Variants in MALRD1 observed in about 807,000 individuals in gnomAD.
The protein encoded by MALRD1 is MAM and LDL receptor class A domain containing 1.
A neutral mutation model predicts 242.1 loss-of-function variants in MALRD1; 247 were observed. The observed-to-expected ratio is 1.02, with a 90% CI of 0.92 to 1.13. The LOEUF is 1.13. Ranked by LOEUF, MALRD1 falls within the 50% of genes most tolerant of loss-of-function variation. The pLI is 0.00. For synonymous variants in MALRD1, 995 were observed against 866.6 expected (o/e 1.15, Z -2.60); for missense variants, 2,989 against 2,533.1 (o/e 1.18, Z -3.86).
intron 33 of MALRD1, among the ~76,000 whole-genome samples, chr10:19,578,864 T>C (rs1343032128): frequency 1.3e-5 from 2 of 152,110 alleles, no homozygotes; most frequent in African/African-American, 4.8e-5. Flanking sequence ...TATATACATC[T>C]TTTAGCTTAC....
chr10:19,228,383 A>T lies in MALRD1; in HGVS notation c.2991+18703A>T, dbSNP rs10827095. Among the ~76,000 whole-genome samples, 4 of 152,082 alleles carry T rather than the reference A, an allele frequency of 2.6e-5. No individual in the cohort carries two copies. The East Asian group carries it at 7.7e-4, about 29-fold the overall frequency. ...AGCAGATTAGTGGTTGCCTGTGTTC[A>T]GGAATGGAGAAAAGATCAAATGCAA... On this transcript the variant is annotated intron_variant, in intron 18 of 39. Coordinates refer to ENST00000454679, the MANE Select transcript of MALRD1 (RefSeq NM_001142308.3).
At chr10:19,416,653 A>G (rs1216159183) in intron 28 of MALRD1, among the ~76,000 whole-genome samples, 2 of 152,116 alleles carry the variant, frequency 1.3e-5, no homozygotes, top group Non-Finnish European at 2.9e-5. Flanking sequence ...CTATCCAGCT[A>G]TGTTCTGGAT....
At chr10:19,423,438 T>C (rs934675828) in intron 28 of MALRD1, among the ~76,000 whole-genome samples, 15 of 152,034 alleles carry the variant, frequency 9.9e-5, no homozygotes, top group African/African-American at 3.1e-4. Flanking sequence ...ATTAATCTGG[T>C]ACAAAAATGC....
intron 12 of MALRD1, among the ~76,000 whole-genome samples, chr10:19,158,012 C>T (rs1834239720): frequency 6.6e-6 from 1 of 152,162 alleles, no homozygotes; most frequent in Non-Finnish European, 1.5e-5. Context: ...TTCAAAAGTC[C>T]TTTCAGCCAC....
At chr10:19,482,947 A>G (rs1359539781) in intron 29 of MALRD1, among the ~76,000 whole-genome samples, 2 of 152,078 alleles carry the variant, frequency 1.3e-5, no homozygotes, top group African/African-American at 4.8e-5. Context: ...ACACTATCCT[A>G]AAATCCATAT....
At chr10:19,529,118 C>T (rs570786843) in intron 31 of MALRD1, among the ~76,000 whole-genome samples, 1 of 152,218 alleles carries the variant, frequency 6.6e-6, no homozygotes, top group Non-Finnish European at 1.5e-5. Context: ...AAGAAAAATC[C>T]CCTCAGTTTT....
At chr10:19,432,873 A>G (rs1834198045) in intron 28 of MALRD1, among the ~76,000 whole-genome samples, 1 of 152,222 alleles carries the variant, frequency 6.6e-6, no homozygotes, top group South Asian at 2.1e-4. Flanking sequence ...TACTGTGAAC[A>G]TTTCAAAGAG....
rs115223103 is a variant in MALRD1 at position 19,095,770 on chromosome 10, A to G, written c.597+7585A>G. On this transcript the variant is annotated intron_variant, in intron 4 of 39. Coordinates refer to ENST00000454679, the MANE Select transcript of MALRD1 (RefSeq NM_001142308.3). ...GCTCAAGTGTTATTAACCGCTGGAG[A>G]AGTTATTTTATTTCTTAAACTTCTC... Among the ~76,000 whole-genome samples the G allele has an allele frequency of 5.1e-3, 771 of 152,182 alleles. 12 individuals are homozygous for G. The highest frequency in any genetic ancestry group is 0.017 in the African/African-American group (724 of 41,532).
intron 24 of MALRD1, among the ~76,000 whole-genome samples, chr10:19,332,221 A>G (rs1382144813): frequency 6.6e-6 from 1 of 150,722 alleles, no homozygotes; most frequent in South Asian, 2.1e-4. Context: ...TTCATTAAAG[A>G]CAATTCATGC....
intron 19 of MALRD1, among the ~76,000 whole-genome samples, chr10:19,270,336 TCACACACACACACA>T (rs200537040): frequency 8.2e-4 from 107 of 130,960 alleles, no homozygotes; most frequent in African/African-American, 2.6e-3. Context: ...TCTCTCTCTC[TCACACACACACACA>T]CACACACACA....
intron 38 of MALRD1, among the ~76,000 whole-genome samples, chr10:19,723,554 A>G (rs1235494510): frequency 6.6e-6 from 1 of 152,084 alleles, no homozygotes; most frequent in East Asian, 1.9e-4. Context: ...CAGACTGGAC[A>G]ATATAGCAAG....
At chr10:19,377,615 A>G (rs1480312692) in intron 26 of MALRD1, among the ~76,000 whole-genome samples, 3 of 148,916 alleles carry the variant, frequency 2.0e-5, no homozygotes, top group African/African-American at 7.5e-5. Flanking sequence ...TAACAACTGA[A>G]AAGTATAAGT....
intron 19 of MALRD1, among the ~76,000 whole-genome samples, chr10:19,276,432 T>C (rs1297211075): frequency 6.6e-6 from 1 of 152,166 alleles, no homozygotes; most frequent in East Asian, 1.9e-4. Context: ...TTCAAAGAAA[T>C]TTGTTCCATA....
intron 31 of MALRD1, among the ~76,000 whole-genome samples, chr10:19,524,152 T>C (rs544785175): frequency 6.6e-6 from 1 of 152,288 alleles, no homozygotes; most frequent in South Asian, 2.1e-4. Flanking sequence ...TTTCTCTCGC[T>C]GGCCATATTT....
In MALRD1 at chr10:19,567,607, C is replaced by T; in HGVS notation, c.5584C>T (p.Pro1862Ser). The change falls in exon 33 of 40, where the codon CCG becomes TCG. Residue 1862 changes from proline (P) to serine (S), a missense_variant. Transcript: ENST00000454679. ...CTCTGTGCCTCTCTCCAGTAACAGTCCGTTTAAGGTGGCATTTGAAGCTGA... is the reference window on the plus strand; with the variant it reads ...CTCTGTGCCTCTCTCCAGTAACAGTTCGTTTAAGGTGGCATTTGAAGCTGA... ...YGSVPLSSNS[P>S]FKVAFEADLD... The T allele has an allele frequency of 6.4e-7, 1 of 1,550,496 alleles. No homozygotes were observed. Among genetic ancestry groups the T allele is most frequent in the Non-Finnish European group, 8.7e-7 (1 of 1,146,944 alleles).
intron 36 of MALRD1, among the ~76,000 whole-genome samples, chr10:19,645,243 G>C (rs1427503536): frequency 1.3e-5 from 2 of 152,098 alleles, no homozygotes; most frequent in Non-Finnish European, 2.9e-5. Flanking sequence ...TGCTGGAGAG[G>C]ATGTGGAGAA....
At chr10:19,048,545 G>C (rs1356476917), upstream of MALRD1, among the ~76,000 whole-genome samples, 1 of 152,170 alleles carries the variant, frequency 6.6e-6, no homozygotes, top group African/African-American at 2.4e-5. Context: ...AATTAAGACA[G>C]ACCATTTTTA....
chr10:19,482,652 T>TAC (rs144094060), intron 29 of MALRD1, among the ~76,000 whole-genome samples: 35,499 of 136,200 alleles, frequency 0.26, 4,581 homozygotes, highest in East Asian at 0.35. Context: ...TTACAATAGC[T>TAC]ACACACACAC....
chr10:19,238,498 A>AATGTATATTATATATAATATACATTAT lies in MALRD1; in HGVS notation c.2992-19184_2992-19183insGTATATTATATATAATATACATTATAT, dbSNP rs771305023. Among the ~76,000 whole-genome samples the AATGTATATTATATATAATATACATTAT allele has an allele frequency of 8.8e-3, 63 of 7,158 alleles. 15 individuals are homozygous for AATGTATATTATATATAATATACATTAT. Among genetic ancestry groups the AATGTATATTATATATAATATACATTAT allele is most frequent in the East Asian group, 0.042 (12 of 288 alleles). 4.7% of individuals were successfully genotyped at this position (7,158 alleles called of 152,430 possible). On this transcript the variant is annotated intron_variant, in intron 18 of 39. Coordinates refer to ENST00000454679, the MANE Select transcript of MALRD1 (RefSeq NM_001142308.3). Reference sequence around the variant, plus strand: ...ATAATATACATTATATATAATATATAATATAATATATAATGTATATTATAT... The same window carrying AATGTATATTATATATAATATACATTAT: ...ATAATATACATTATATATAATATATAATGTATATTATATATAATATACATTATATATAATATATAATGTATATTATAT...
Sources: gnomAD v4.1 joint callset for allele counts (sites outside exome capture counted in the v4.1 genomes callset) on GRCh38, gnomAD v4.1.1 for gene constraint, MANE v1.5 for transcripts, NCBI Gene and HGNC (gene_info 2026-07-23, HGNC 2026-07-21) for gene names.